RAD51C: variants seen among roughly 807,000 people sequenced by gnomAD.
The protein encoded by RAD51C is DNA repair protein RAD51 homolog 3.
In RAD51C, 42 loss-of-function variants were observed where a neutral mutation model predicts 45.0. The ratio of observed to expected loss-of-function variants is 0.93; its 90% confidence interval spans 0.73 to 1.21. The LOEUF (loss-of-function observed/expected upper bound fraction) is 1.21. Ranked by LOEUF, RAD51C falls within the 50% of genes most tolerant of loss-of-function variation. The probability of loss-of-function intolerance (pLI) is 0.00; values close to 1 mark genes in which losing one functional copy is unlikely to be tolerated. For synonymous variants in RAD51C, 172 were observed against 159.8 expected, an observed-to-expected ratio of 1.08 and a Z score of -0.58; for missense variants, 474 against 452.2, an observed-to-expected ratio of 1.05 and a Z score of -0.44.
chr17:58,709,312 C>T (rs11653911), intron 4 of RAD51C, among the ~76,000 whole-genome samples: 5,607 of 151,760 alleles, frequency 0.037, 153 homozygotes, highest in South Asian at 0.095. Flanking sequence ...CTCCTGACCT[C>T]GTGATCCACC....
At chr17:58,728,053 G>T (rs1428741396) in intron 7 of RAD51C, among the ~76,000 whole-genome samples, 1 of 151,842 alleles carries the variant, frequency 6.6e-6, no homozygotes, top group African/African-American at 2.4e-5. Context: ...GACCAGCCTG[G>T]CCAATATGGG....
At position 58,734,215 on chromosome 17, in the gene RAD51C, AATT is replaced by A. The variant is rs1232402052; in HGVS notation, c.1127_1129del (p.Leu376del). On this transcript the variant is annotated inframe_deletion, in exon 9 of 9. Transcript: ENST00000337432. ...AAACGGTCACGAGACCCAGAGGAAG[AATT>A]ATAACCCAGAAACAAATCTCAAAGT... The A allele has an allele frequency of 6.2e-7, 1 of 1,611,442 alleles. No homozygotes were observed.
intron 5 of RAD51C, among the ~76,000 whole-genome samples, chr17:58,717,350 A>G (rs1352610742): frequency 6.6e-6 from 1 of 152,192 alleles, no homozygotes; most frequent in Non-Finnish European, 1.5e-5. Context: ...AGATTGTTTG[A>G]GTCCACAACT....
chr17:58,712,115 G>A (rs1413924521), intron 5 of RAD51C, among the ~76,000 whole-genome samples: 2 of 151,936 alleles, frequency 1.3e-5, no homozygotes, highest in African/African-American at 4.8e-5. Context: ...TTGGGAGACT[G>A]AGGTGGGCGG....
chr17:58,709,426 T>C (rs1278736769), intron 4 of RAD51C, among the ~76,000 whole-genome samples: 1 of 152,164 alleles, frequency 6.6e-6, no homozygotes, highest in African/African-American at 2.4e-5. Context: ...GAGTCCGTTT[T>C]AACTTTTAGT....
intron 7 of RAD51C, among the ~76,000 whole-genome samples, chr17:58,730,164 CTTTTTT>C (rs35483724): frequency 1.6e-5 from 2 of 121,932 alleles, no homozygotes; most frequent in African/African-American, 3.1e-5. Flanking sequence ...CACAGCTGTT[CTTTTTT>C]TTTTTTTTTT....
chr17:58,726,284 G>T, intron 7 of RAD51C, among the ~76,000 whole-genome samples: 1 of 150,312 alleles, frequency 6.7e-6, no homozygotes. Context: ...GGCCCAGAAA[G>T]GTTAACTGAA....
chr17:58,716,195 A>T (rs1016356564), intron 5 of RAD51C, among the ~76,000 whole-genome samples: 4 of 152,128 alleles, frequency 2.6e-5, no homozygotes, highest in Non-Finnish European at 5.9e-5. Flanking sequence ...ATCGTTTTGC[A>T]AAAGTAATAT....
At chr17:58,710,859 C>T (rs1004225996) in intron 5 of RAD51C, among the ~76,000 whole-genome samples, 2 of 152,108 alleles carry the variant, frequency 1.3e-5, no homozygotes, top group Non-Finnish European at 2.9e-5. Context: ...CCTGAATCCA[C>T]ATCCCACCAC....
At chr17:58,709,171 A>G (rs2048469886) in intron 4 of RAD51C, among the ~76,000 whole-genome samples, 2 of 144,772 alleles carry the variant, frequency 1.4e-5, no homozygotes, top group South Asian at 4.3e-4. Flanking sequence ...CTCTGCCACC[A>G]GGGTTCAAGA....
intron 3 of RAD51C, among the ~76,000 whole-genome samples, chr17:58,700,480 T>C (rs1481251843): frequency 2.6e-5 from 4 of 152,064 alleles, no homozygotes; most frequent in Non-Finnish European, 5.9e-5. Context: ...TCTCAGTCCA[T>C]CATCCAGGCT....
chr17:58,718,775 C>T (rs529382913), intron 5 of RAD51C, among the ~76,000 whole-genome samples: 1 of 152,128 alleles, frequency 6.6e-6, no homozygotes, highest in Non-Finnish European at 1.5e-5. Context: ...AGTCTCTTCT[C>T]ATAATTTGTT....
At chr17:58,701,310 C>T (rs911221521) in intron 3 of RAD51C, among the ~76,000 whole-genome samples, 7 of 151,774 alleles carry the variant, frequency 4.6e-5, no homozygotes, top group African/African-American at 1.7e-4. Context: ...AGATCGAGAC[C>T]ATCCTTGCTA....
At chr17:58,723,555 C>A (rs1343496054) in intron 6 of RAD51C, among the ~76,000 whole-genome samples, 1 of 151,762 alleles carries the variant, frequency 6.6e-6, no homozygotes, top group Non-Finnish European at 1.5e-5. Context: ...TTGCTTATTT[C>A]TAGCCTTTAT....
chr17:58,724,124 A>G (rs371612078), intron 7 of RAD51C, 24 bp downstream of exon 7: 3 of 1,584,542 alleles, frequency 1.9e-6, no homozygotes, highest in Non-Finnish European at 2.6e-6. Flanking sequence ...CAAGTTAATA[A>G]CTCCGAATAT....
intron 3 of RAD51C, among the ~76,000 whole-genome samples, chr17:58,701,704 G>A (rs1394021261): frequency 6.6e-6 from 1 of 151,092 alleles, no homozygotes; most frequent in Non-Finnish European, 1.5e-5. Context: ...CCGAGTACCT[G>A]GGATTACAGG....
At chr17:58,706,365 G>GATT (rs2048379322) in intron 4 of RAD51C, 1 of 217,604 alleles carries the variant, frequency 4.6e-6, no homozygotes, top group Non-Finnish European at 1.0e-5. Context: ...AGGCAGAGGA[G>GATT]ATTGCAGTGA....
intron 5 of RAD51C, among the ~76,000 whole-genome samples, chr17:58,712,954 C>T (rs550280589): frequency 2.6e-5 from 4 of 152,104 alleles, no homozygotes; most frequent in Non-Finnish European, 2.9e-5. Flanking sequence ...GAGACTTCAT[C>T]GCTACAAATT....
intron 5 of RAD51C, among the ~76,000 whole-genome samples, chr17:58,710,771 G>T (rs1041933315): frequency 6.6e-6 from 1 of 152,044 alleles, no homozygotes; most frequent in African/African-American, 2.4e-5. Flanking sequence ...GTAAATATCG[G>T]CTCAGAAGGG....
Sources: allele counts gnomAD v4.1 joint callset (sites outside exome capture counted in the v4.1 genomes callset), GRCh38; gene constraint gnomAD v4.1.1; transcripts MANE v1.5; gene names NCBI Gene and HGNC (gene_info 2026-07-23, HGNC 2026-07-21).